Variants in COL26A1 observed in about 807,000 individuals in gnomAD.
COL26A1 encodes the protein collagen type XXVI alpha 1 chain, also known as collagen alpha-1(XXVI) chain.
In COL26A1, 41 loss-of-function variants were observed where a neutral mutation model predicts 59.3. The ratio of observed to expected loss-of-function variants is 0.69; its 90% CI spans 0.54 to 0.90. The LOEUF is 0.90. Ranked by LOEUF, COL26A1 falls within the 40% of genes least tolerant of loss-of-function variation. The pLI is 0.00. For missense variants in COL26A1, 612 were observed against 602.3 expected, an observed-to-expected ratio of 1.02 and a Z score of -0.17; for synonymous variants, 266 against 256.0, an observed-to-expected ratio of 1.04 and a Z score of -0.37.
intron 3 of COL26A1, among the ~76,000 whole-genome samples, chr7:101,504,769 T>C (rs1396236981): frequency 6.6e-6 from 1 of 152,188 alleles, no homozygotes; most frequent in African/African-American, 2.4e-5. Context: ...TCACCGGCCA[T>C]GAAAGGCCAG....
intron 1 of COL26A1, among the ~76,000 whole-genome samples, chr7:101,382,323 G>A (rs1791467808): frequency 6.6e-6 from 1 of 152,154 alleles, no homozygotes; most frequent in African/African-American, 2.4e-5. Context: ...TGGGATTACA[G>A]GTATGAGCCA....
chr7:101,440,987 A>G (rs199662824), intron 2 of COL26A1, among the ~76,000 whole-genome samples: 20,561 of 151,108 alleles, frequency 0.14, 2,870 homozygotes, highest in African/African-American at 0.35. Context: ...AAAAAAAAAA[A>G]AAAGAAAGAA....
At chr7:101,556,510 G>C (rs1448521304) in intron 12 of COL26A1, among the ~76,000 whole-genome samples, 2 of 151,594 alleles carry the variant, frequency 1.3e-5, no homozygotes, top group African/African-American at 4.9e-5. Context: ...TGAATGAATT[G>C]TTGAATGGAC....
At chr7:101,383,857 A>G (rs1791504406) in intron 1 of COL26A1, among the ~76,000 whole-genome samples, 1 of 151,840 alleles carries the variant, frequency 6.6e-6, no homozygotes. Flanking sequence ...TTTAGTAGAG[A>G]TGGGATTTCT....
intron 3 of COL26A1, among the ~76,000 whole-genome samples, chr7:101,454,841 G>T (rs1245000675): frequency 6.6e-6 from 1 of 152,052 alleles, no homozygotes; most frequent in South Asian, 2.1e-4. Context: ...GTAAGACAAG[G>T]TTATGTATTA....
intron 3 of COL26A1, among the ~76,000 whole-genome samples, chr7:101,488,151 G>A (rs1212939828): frequency 2.0e-5 from 3 of 150,500 alleles, no homozygotes. Flanking sequence ...ATGTGGTGGC[G>A]GGTGCCTGTA....
rs1298552017 is a variant in COL26A1 at position 101,473,607 on chromosome 7, TCCACAC to T, written c.385+25821_385+25826del. 5.0e-5 allele frequency among the ~76,000 whole-genome samples: 6 copies of T among 120,078 alleles called. No individual in the cohort carries two copies. The South Asian group carries it at 8.5e-4, about 17-fold the overall frequency. 78.8% of individuals were successfully genotyped at this position (120,078 alleles called of 152,430 possible). ...CCAGGCAACAGAGCAACACCTTGTCTCCACACACACACACACACACACACACACACA... is the reference window on the plus strand; with the variant it reads ...CCAGGCAACAGAGCAACACCTTGTCTACACACACACACACACACACACACA... On this transcript the variant is annotated intron_variant, in intron 3 of 12. Coordinates refer to ENST00000313669, the MANE Select transcript of COL26A1 (RefSeq NM_001278563.3).
At chr7:101,547,268 G>A in intron 8 of COL26A1, 29 bp downstream of exon 8, 3 of 1,497,976 alleles carry the variant, frequency 2.0e-6, no homozygotes, top group South Asian at 2.4e-5. Context: ...GGCCTGCATT[G>A]AGGACTCCAT....
chr7:101,474,729 T>C (rs998990142), intron 3 of COL26A1, among the ~76,000 whole-genome samples: 2 of 152,206 alleles, frequency 1.3e-5, no homozygotes, highest in Admixed American at 6.5e-5. Context: ...TTAATACCCC[T>C]GTGACACAAG....
intron 4 of COL26A1, among the ~76,000 whole-genome samples, chr7:101,533,608 A>T (rs912038405): frequency 6.6e-6 from 1 of 152,204 alleles, no homozygotes; most frequent in Non-Finnish European, 1.5e-5. Context: ...CAGAGGCAGA[A>T]GGAATCCACA....
chr7:101,370,025 G>A lies in COL26A1; in HGVS notation c.158+6835G>A, dbSNP rs376185618. Reference sequence around the variant, plus strand: ...TTACAGGCATGTGCCATCATGCCTGGCTAATTTTGTATTTTTTGTAGAGAT... The same window carrying A: ...TTACAGGCATGTGCCATCATGCCTGACTAATTTTGTATTTTTTGTAGAGAT... On this transcript the variant is annotated intron_variant, in intron 1 of 12. Transcript: ENST00000313669. Among the ~76,000 whole-genome samples, 15 of 152,040 alleles carry A rather than the reference G, an allele frequency of 9.9e-5. No individual in the cohort carries two copies. In the East Asian group the frequency reaches 2.7e-3, roughly 28 times the overall value.
Position 101,553,885 on chromosome 7 carries a change from G to A in COL26A1, c.1080+509G>A, listed in dbSNP as rs1368860060. ...GGAGAGAAGATTGGAGCAAGCGGAG[G>A]CTGGGGCCAGTGGGAGGGGGCAGCC... On this transcript the variant is annotated intron_variant, in intron 11 of 12. Transcript: ENST00000313669. 2.0e-5 allele frequency among the ~76,000 whole-genome samples: 3 copies of A among 152,246 alleles called. No homozygotes were observed. The East Asian group carries it at 5.8e-4, about 29-fold the overall frequency.
chr7:101,400,749 G>A (rs11772848), intron 1 of COL26A1, among the ~76,000 whole-genome samples: 32,827 of 151,794 alleles, frequency 0.22, 3,759 homozygotes, highest in Non-Finnish European at 0.24. Context: ...AGTAGAGACC[G>A]GGTTTCACCA....
intron 3 of COL26A1, among the ~76,000 whole-genome samples, chr7:101,462,063 G>C (rs4464889): frequency 0.44 from 64,438 of 146,038 alleles, 14,876 homozygotes; most frequent in Middle Eastern, 0.55. Context: ...GCAGTGGTGC[G>C]ATCTTGGCTC....
At chr7:101,476,477 T>C (rs537122132) in intron 3 of COL26A1, among the ~76,000 whole-genome samples, 69 of 151,826 alleles carry the variant, frequency 4.5e-4, no homozygotes, top group African/African-American at 1.5e-3. Context: ...TTTTGTAAGA[T>C]GGAAACAAGG....
At chr7:101,433,287 G>A (rs900854431) in intron 2 of COL26A1, among the ~76,000 whole-genome samples, 4 of 152,116 alleles carry the variant, frequency 2.6e-5, no homozygotes, top group Admixed American at 2.6e-4. Context: ...TCATACCACT[G>A]CACTCCAGCC....
At chr7:101,512,226 G>A (rs554226721) in intron 3 of COL26A1, among the ~76,000 whole-genome samples, 1 of 152,244 alleles carries the variant, frequency 6.6e-6, no homozygotes, top group Non-Finnish European at 1.5e-5. Context: ...CTATGACTTA[G>A]TGCAAGAGGC....
chr7:101,426,835 C>G (rs907574831), intron 2 of COL26A1, among the ~76,000 whole-genome samples: 1 of 152,178 alleles, frequency 6.6e-6, no homozygotes, highest in Non-Finnish European at 1.5e-5. Context: ...TCAGCCGAGG[C>G]AGCTCCCAGC....
At chr7:101,447,839 A>T in intron 3 of COL26A1, 52 bp downstream of exon 3, 1 of 1,141,242 alleles carries the variant, frequency 8.8e-7, no homozygotes, top group South Asian at 1.3e-5. Flanking sequence ...GCCAGGCTGG[A>T]GTTTCTCCCT....
Sources: gnomAD v4.1 joint callset for allele counts (sites outside exome capture counted in the v4.1 genomes callset) on GRCh38, gnomAD v4.1.1 for gene constraint, MANE v1.5 for transcripts, NCBI Gene and HGNC (gene_info 2026-07-23, HGNC 2026-07-21) for gene names.